Variants in SDK1 observed in about 807,000 individuals in gnomAD.
SDK1 encodes sidekick cell adhesion molecule 1.
SDK1 carries 157 observed loss-of-function variants against 245.5 expected under a neutral mutation model. The ratio of observed to expected loss-of-function variants is 0.64; its 90% CI spans 0.56 to 0.73. The LOEUF is 0.73. SDK1 is among the 30% of genes least tolerant of loss of function. The probability of loss-of-function intolerance (pLI) is 0.00; values close to 1 mark genes in which losing one functional copy is unlikely to be tolerated. For synonymous variants in SDK1, 1,647 were observed against 1,278.5 expected, an observed-to-expected ratio of 1.29 and a Z score of -6.15; for missense variants, 3,583 against 3,002.3, an observed-to-expected ratio of 1.19 and a Z score of -4.52.
intron 19 of SDK1, among the ~76,000 whole-genome samples, chr7:4,066,722 G>A (rs1283179477): frequency 6.6e-6 from 1 of 152,202 alleles, no homozygotes; most frequent in Non-Finnish European, 1.5e-5. Flanking sequence ...AAACCTGGGT[G>A]AGCTGGTGCA....
At chr7:4,152,063 ACT>A (rs1780419974) in intron 30 of SDK1, among the ~76,000 whole-genome samples, 1 of 152,014 alleles carries the variant, frequency 6.6e-6, no homozygotes, top group African/African-American at 2.4e-5. Context: ...GCCTGCTAGG[ACT>A]CTGTCCTCTC....
chr7:3,754,168 C>T (rs1224917745), intron 4 of SDK1, among the ~76,000 whole-genome samples: 2 of 152,170 alleles, frequency 1.3e-5, no homozygotes, highest in Non-Finnish European at 2.9e-5. Context: ...TTCAGCTGAA[C>T]TGAATTTCTG....
intron 1 of SDK1, among the ~76,000 whole-genome samples, chr7:3,530,104 C>T (rs534565880): frequency 3.9e-5 from 6 of 152,174 alleles, no homozygotes; most frequent in Non-Finnish European, 7.4e-5. Context: ...CAAATTATGT[C>T]CCTAAACCTA....
intron 44 of SDK1, among the ~76,000 whole-genome samples, chr7:4,260,913 T>C (rs1174788612): frequency 6.6e-6 from 1 of 152,236 alleles, no homozygotes; most frequent in South Asian, 2.1e-4. Flanking sequence ...TGTGGGAAGA[T>C]GTGTCTTACG....
chr7:3,855,183 T>G (rs529625967), intron 5 of SDK1, among the ~76,000 whole-genome samples: 51 of 152,218 alleles, frequency 3.4e-4, no homozygotes, highest in African/African-American at 1.2e-3. Flanking sequence ...ATCCAGGTCC[T>G]TCTCTCACTG....
intron 4 of SDK1, among the ~76,000 whole-genome samples, chr7:3,657,038 C>T (rs955938907): frequency 8.5e-5 from 13 of 152,162 alleles, no homozygotes; most frequent in Admixed American, 6.5e-4. Flanking sequence ...TGAGCCACCG[C>T]GCCCGGCCTT....
chr7:3,751,263 T>G (rs1200164451), intron 4 of SDK1, among the ~76,000 whole-genome samples: 1 of 152,210 alleles, frequency 6.6e-6, no homozygotes, highest in Non-Finnish European at 1.5e-5. Flanking sequence ...ATGATCCTTC[T>G]CAAGGTATCA....
chr7:3,641,929 A>T (rs762411926), intron 3 of SDK1, 29 bp from the exon 4 acceptor site: 1 of 1,596,274 alleles, frequency 6.3e-7, no homozygotes, highest in Non-Finnish European at 8.5e-7. Context: ...TGTTTTCTAG[A>T]ACTTGAAAGC....
chr7:4,069,461 C>CA, intron 20 of SDK1, among the ~76,000 whole-genome samples: 1 of 152,370 alleles, frequency 6.6e-6, no homozygotes, highest in Non-Finnish European at 1.5e-5. Context: ...TCTGCAGCCG[C>CA]ACCCCAAGGT....
Position 4,132,338 on chromosome 7 carries a change from A to G in SDK1, c.4143A>G (p.Pro1381=). ...TTTTCCCTTCAGCCCCAGGCCCACC[A>G]GTGAGGCTCGTGTTCCCCGAAGTGA... The part of the protein sequence containing the change: ...ERTKDDAPGP[P]VRLVFPEVRL... The change falls in exon 28 of 45, where the codon CCA becomes CCG. Residue 1381 remains proline, a synonymous_variant. Coordinates refer to ENST00000404826, the MANE Select transcript of SDK1 (RefSeq NM_152744.4). The G allele has an allele frequency of 6.2e-7, 1 of 1,611,938 alleles. No individual in the cohort carries two copies. The highest frequency in any genetic ancestry group is 1.1e-5 in the South Asian group (1 of 90,850).
chr7:3,405,814 CTT>C (rs534692477), intron 1 of SDK1, among the ~76,000 whole-genome samples: 11 of 125,370 alleles, frequency 8.8e-5, no homozygotes, highest in East Asian at 4.5e-4. Flanking sequence ...TTCTTTCTTT[CTT>C]TTTTTTTTTT....
chr7:3,727,670 TA>T (rs1360606458), intron 4 of SDK1, among the ~76,000 whole-genome samples: 2 of 152,106 alleles, frequency 1.3e-5, no homozygotes, highest in African/African-American at 4.8e-5. Flanking sequence ...TTTGTATTTT[TA>T]GTAGAGACGG....
intron 5 of SDK1, among the ~76,000 whole-genome samples, chr7:3,900,031 G>T (rs1049774893): frequency 7.9e-5 from 12 of 152,220 alleles, no homozygotes; most frequent in African/African-American, 2.9e-4. Flanking sequence ...TCGGATACCA[G>T]TGTATGACAC....
intron 1 of SDK1, among the ~76,000 whole-genome samples, chr7:3,522,272 CT>C (rs1252278153): frequency 6.6e-6 from 1 of 152,088 alleles, no homozygotes; most frequent in Non-Finnish European, 1.5e-5. Flanking sequence ...ACAGAGAGAA[CT>C]GCTTTTCCTA....
Position 3,807,590 on chromosome 7 carries a change from C to A in SDK1, c.714-13860C>A, listed in dbSNP as rs554646180. 1.8e-4 allele frequency among the ~76,000 whole-genome samples: 27 copies of A among 152,264 alleles called. No individual in the cohort carries two copies. The South Asian group carries it at 5.6e-3, about 32-fold the overall frequency. On this transcript the variant is annotated intron_variant, in intron 4 of 44. Transcript: ENST00000404826. Reference sequence around the variant, plus strand: ...ACAAAGACACACGAAGACAGGCACACAGAGAGAAACAGAGAGAGTGGGCCA... The same window carrying A: ...ACAAAGACACACGAAGACAGGCACAAAGAGAGAAACAGAGAGAGTGGGCCA...
intron 1 of SDK1, among the ~76,000 whole-genome samples, chr7:3,438,325 A>T (rs1214391679): frequency 6.6e-6 from 1 of 152,198 alleles, no homozygotes; most frequent in Non-Finnish European, 1.5e-5. Flanking sequence ...TGCTATATCT[A>T]TCACCTTCAT....
intron 5 of SDK1, among the ~76,000 whole-genome samples, chr7:3,932,934 T>G (rs1780029824): frequency 6.6e-6 from 1 of 151,976 alleles, no homozygotes; most frequent in African/African-American, 2.4e-5. Flanking sequence ...TTATTTACGC[T>G]TCTCAGAATC....
At chr7:3,948,856 C>T (rs1780683186) in intron 5 of SDK1, among the ~76,000 whole-genome samples, 1 of 152,226 alleles carries the variant, frequency 6.6e-6, no homozygotes, top group Non-Finnish European at 1.5e-5. Flanking sequence ...CGTGGCTGAG[C>T]AGTGATTAAT....
chr7:3,566,487 A>C (rs1779923318), intron 1 of SDK1, among the ~76,000 whole-genome samples: 1 of 152,000 alleles, frequency 6.6e-6, no homozygotes, highest in Non-Finnish European at 1.5e-5. Flanking sequence ...GGCCTCCCAA[A>C]GTGCTGGGAT....
Sources: allele counts gnomAD v4.1 joint callset (sites outside exome capture counted in the v4.1 genomes callset), GRCh38; gene constraint gnomAD v4.1.1; transcripts MANE v1.5; gene names NCBI Gene and HGNC (gene_info 2026-07-23, HGNC 2026-07-21).